DPP6: variants seen among roughly 807,000 people sequenced by gnomAD.
DPP6 encodes the protein A-type potassium channel modulatory protein DPP6.
DPP6 carries 69 observed loss-of-function variants against 122.6 expected under a neutral mutation model. The observed-to-expected ratio is 0.56, with a 90% confidence interval of 0.46 to 0.69. The LOEUF is 0.69. DPP6 is among the 30% of genes least tolerant of loss of function. The probability of loss-of-function intolerance (pLI) is 0.00; values close to 1 mark genes in which losing one functional copy is unlikely to be tolerated. For synonymous variants in DPP6, 418 were observed against 433.1 expected, an observed-to-expected ratio of 0.97 and a Z score of 0.43; for missense variants, 928 against 1,116.9, an observed-to-expected ratio of 0.83 and a Z score of 2.41.
intron 1 of DPP6, among the ~76,000 whole-genome samples, chr7:153,942,596 CA>C (rs1563031974): frequency 6.6e-6 from 1 of 152,172 alleles, no homozygotes; most frequent in Non-Finnish European, 1.5e-5. Context: ...TCAATTTTCC[CA>C]ACTAAAAATG....
chr7:154,260,695 A>T (rs946847216), intron 1 of DPP6, among the ~76,000 whole-genome samples: 4 of 147,486 alleles, frequency 2.7e-5, no homozygotes, highest in Non-Finnish European at 6.0e-5. Context: ...TATATGTATA[A>T]TATATATTAT....
chr7:154,526,595 GGC>G, intron 3 of DPP6, among the ~76,000 whole-genome samples: 1 of 152,262 alleles, frequency 6.6e-6, no homozygotes, highest in East Asian at 1.9e-4. Flanking sequence ...GGAAACATGT[GGC>G]TAGAGGCTAC....
the DPP6 span, among the ~76,000 whole-genome samples, chr7:153,844,932 T>A: frequency 6.6e-6 from 1 of 152,210 alleles, no homozygotes; most frequent in Admixed American, 6.5e-5. Context: ...CATCCTTCAA[T>A]GTTGCTGTGA....
At chr7:154,568,599 G>C (rs1000687844) in intron 5 of DPP6, among the ~76,000 whole-genome samples, 27 of 152,302 alleles carry the variant, frequency 1.8e-4, no homozygotes, top group African/African-American at 6.3e-4. Flanking sequence ...CGGCTTCCCA[G>C]CGCTCTGTTT....
chr7:154,594,644 C>T (rs1832985853), intron 5 of DPP6, among the ~76,000 whole-genome samples: 1 of 152,130 alleles, frequency 6.6e-6, no homozygotes, highest in African/African-American at 2.4e-5. Flanking sequence ...ATACCTGATT[C>T]CCACCTTTAA....
At position 154,052,623 on chromosome 7, in the gene DPP6, A is replaced by G; in HGVS notation, c.-198A>G. 2 of 1,268,534 alleles carry G rather than the reference A, an allele frequency of 1.6e-6. No homozygotes were observed. Among genetic ancestry groups the G allele is most frequent in the South Asian group, 1.7e-5 (1 of 58,716 alleles). 78.6% of individuals were successfully genotyped at this position (1,268,534 alleles called of 1,614,324 possible). On this transcript the variant is annotated 5_prime_UTR_variant, in exon 1 of 26. Transcript: ENST00000377770. This position sits in a 1 kb window ranked among gnomAD's most constrained non-coding sequence, Gnocchi z 4.8. ...GGGGGCGGAGGAGGCTGAGCCAGGCAGAGTCGCCAGCGGAGACTCGCGAGT... is the reference window on the plus strand; with the variant it reads ...GGGGGCGGAGGAGGCTGAGCCAGGCGGAGTCGCCAGCGGAGACTCGCGAGT...
intron 1 of DPP6, among the ~76,000 whole-genome samples, chr7:154,379,363 T>G (rs1051787688): frequency 1.3e-5 from 2 of 151,656 alleles, no homozygotes; most frequent in African/African-American, 4.9e-5. Flanking sequence ...TGTCAGGTGG[T>G]GGGGGGCTGG....
chr7:154,453,512 A>G (rs961646684), intron 2 of DPP6, among the ~76,000 whole-genome samples: 8 of 150,022 alleles, frequency 5.3e-5, no homozygotes, highest in African/African-American at 1.9e-4. Flanking sequence ...GGATATACAT[A>G]TAGGATATAT....
At chr7:153,915,954 T>G in intron 1 of DPP6, among the ~76,000 whole-genome samples, 1 of 151,294 alleles carries the variant, frequency 6.6e-6, no homozygotes, top group Admixed American at 6.6e-5. Flanking sequence ...TTTATTTATT[T>G]ATTTATTTAT....
chr7:154,761,365 C>T (rs1563181694), intron 8 of DPP6, among the ~76,000 whole-genome samples: 1 of 152,214 alleles, frequency 6.6e-6, no homozygotes, highest in Non-Finnish European at 1.5e-5. Flanking sequence ...AATGTGGCCT[C>T]TCCATCTGAC....
chr7:154,672,382 C>T (rs946283708), intron 7 of DPP6, among the ~76,000 whole-genome samples: 1 of 152,252 alleles, frequency 6.6e-6, no homozygotes, highest in African/African-American at 2.4e-5. Context: ...TATTCTAACA[C>T]ACCCAGCACA....
the DPP6 span, among the ~76,000 whole-genome samples, chr7:153,761,785 C>A: frequency 6.6e-6 from 1 of 152,218 alleles, no homozygotes; most frequent in Admixed American, 6.5e-5. Flanking sequence ...AATACTATTT[C>A]TATACTTCAT....
the DPP6 span, among the ~76,000 whole-genome samples, chr7:153,778,648 G>T: frequency 6.6e-6 from 1 of 151,820 alleles, no homozygotes; most frequent in Non-Finnish European, 1.5e-5. Flanking sequence ...ATACCCTTGT[G>T]CTCTTTTGTT....
chr7:154,587,462 A>G, intron 5 of DPP6: 1 of 650,454 alleles, frequency 1.5e-6, no homozygotes, highest in Non-Finnish European at 2.6e-6. Context: ...CCTGCAGCTA[A>G]GCATGGTTCT....
chr7:154,109,329 TGCCCAGGCTGGACTGCTGTG>T (rs1806398014), intron 1 of DPP6, among the ~76,000 whole-genome samples: 1 of 132,978 alleles, frequency 7.5e-6, no homozygotes, highest in Non-Finnish European at 1.7e-5. Context: ...CTTGCTCTGT[TGCCCAGGCTGGACTGCTGTG>T]GCACAATCTC....
intron 2 of DPP6, among the ~76,000 whole-genome samples, chr7:154,459,899 A>G (rs2151314647): frequency 6.6e-6 from 1 of 150,494 alleles, no homozygotes; most frequent in Admixed American, 6.6e-5. Flanking sequence ...TCATACTGTC[A>G]GTTCTACAAC....
intron 3 of DPP6, among the ~76,000 whole-genome samples, chr7:154,491,331 C>G (rs1309236804): frequency 6.6e-6 from 1 of 152,176 alleles, no homozygotes; most frequent in African/African-American, 2.4e-5. Context: ...AACAATGGCC[C>G]TGTTAGCGCT....
In DPP6 at chr7:154,660,922, G is replaced by A. The variant is rs199781154; in HGVS notation, c.681-8438G>A. 1.8e-3 allele frequency among the ~76,000 whole-genome samples: 104 copies of A among 58,882 alleles called. 5 individuals are homozygous for A. Among genetic ancestry groups the A allele is most frequent in the African/African-American group, 7.5e-3 (99 of 13,114 alleles). The allele number at this position is 58,882 out of a possible 152,430, so 38.6% of individuals were successfully genotyped here. A position where few individuals can be genotyped will look rare whatever the true frequency, so the allele number is the denominator to read the frequency against. ...TATAGTCATGGTGAATCACCATGGCGTATTGGCCGTAGTATTCATATAGTC... is the reference window on the plus strand; with the variant it reads ...TATAGTCATGGTGAATCACCATGGCATATTGGCCGTAGTATTCATATAGTC... On this transcript the variant is annotated intron_variant, in intron 6 of 25. Transcript: ENST00000377770.
chr7:154,563,877 C>T (rs151144335), intron 4 of DPP6, among the ~76,000 whole-genome samples: 13 of 152,218 alleles, frequency 8.5e-5, no homozygotes, highest in African/African-American at 2.4e-4. Flanking sequence ...GGGCTGGAGA[C>T]ATGAATGTTG....
Sources: allele counts gnomAD v4.1 joint callset (sites outside exome capture counted in the v4.1 genomes callset), GRCh38; gene constraint gnomAD v4.1.1; non-coding constraint Gnocchi (gnomAD v3.1); transcripts MANE v1.5; gene names NCBI Gene and HGNC (gene_info 2026-07-23, HGNC 2026-07-21).